ARL14EP: variants seen among roughly 807,000 people sequenced by gnomAD.
ARL14EP encodes the protein ARL14 effector protein.
In ARL14EP, 12 loss-of-function variants were observed where a neutral mutation model predicts 23.1. The ratio of observed to expected loss-of-function variants is 0.52; its 90% CI spans 0.33 to 0.84. ARL14EP has a LOEUF of 0.84. Among genes scored for constraint, ARL14EP ranks in the 40% least tolerant of loss-of-function variants. The probability of loss-of-function intolerance (pLI) is 0.02; values close to 1 mark genes in which losing one functional copy is unlikely to be tolerated. For missense variants in ARL14EP, 253 were observed against 307.3 expected, an observed-to-expected ratio of 0.82 and a Z score of 1.32; for synonymous variants, 97 against 102.0, an observed-to-expected ratio of 0.95 and a Z score of 0.29.
At chr11:30,336,420 A>C in intron 3 of ARL14EP, 147 bp from the exon 4 acceptor site, 1 of 716,116 alleles carries the variant, frequency 1.4e-6, no homozygotes, top group South Asian at 1.9e-5. Flanking sequence ...TGACGATAGA[A>C]TAAGCCTTGA....
intron 1 of ARL14EP, among the ~76,000 whole-genome samples, chr11:30,325,831 CG>C (rs1452249895): frequency 1.3e-5 from 2 of 152,152 alleles, no homozygotes; most frequent in African/African-American, 4.8e-5. Flanking sequence ...CACAGTCAGA[CG>C]GAAGTCCATT....
At chr11:30,326,707 C>T (rs1311614533) in intron 1 of ARL14EP, among the ~76,000 whole-genome samples, 1 of 152,130 alleles carries the variant, frequency 6.6e-6, no homozygotes, top group Non-Finnish European at 1.5e-5. Context: ...ATTTGGTGTT[C>T]CTTGAGCTAG....
chr11:30,327,328 A>G (rs1035240073), intron 1 of ARL14EP, among the ~76,000 whole-genome samples: 1 of 152,190 alleles, frequency 6.6e-6, no homozygotes, highest in African/African-American at 2.4e-5. Flanking sequence ...AGACTCCCCA[A>G]TAACTAAGGA....
intron 3 of ARL14EP, 85 bp from the exon 4 acceptor site, chr11:30,336,482 T>C: frequency 8.2e-7 from 1 of 1,224,442 alleles, no homozygotes; most frequent in Non-Finnish European, 1.1e-6. Context: ...AAATATTTTA[T>C]CTCCTTTTTT....
chr11:30,326,756 C>G (rs1203128805), intron 1 of ARL14EP, among the ~76,000 whole-genome samples: 2 of 152,106 alleles, frequency 1.3e-5, no homozygotes, highest in East Asian at 3.9e-4. Context: ...AACAAACTGC[C>G]TAATCGTAGA....
At chr11:30,329,083 GT>G (rs1352661821) in intron 1 of ARL14EP, 2 of 151,770 alleles carry the variant, frequency 1.3e-5, no homozygotes, top group Non-Finnish European at 2.9e-5. Flanking sequence ...GGAAAATAAT[GT>G]TTTTTCCCCT....
chr11:30,334,494 G>A (rs1947316433), intron 3 of ARL14EP, among the ~76,000 whole-genome samples: 1 of 152,122 alleles, frequency 6.6e-6, no homozygotes, highest in South Asian at 2.1e-4. Flanking sequence ...GATTACAGGT[G>A]TGAGCCACCA....
At chr11:30,334,299 G>A (rs1423017500) in intron 3 of ARL14EP, among the ~76,000 whole-genome samples, 1 of 132,868 alleles carries the variant, frequency 7.5e-6, no homozygotes, top group African/African-American at 2.9e-5. Flanking sequence ...CACTACACCC[G>A]CCACCTGCTG....
At chr11:30,334,981 C>G (rs776292250) in intron 3 of ARL14EP, among the ~76,000 whole-genome samples, 18 of 149,780 alleles carry the variant, frequency 1.2e-4, no homozygotes, top group Non-Finnish European at 2.1e-4. Flanking sequence ...TTAAGAAATA[C>G]GTTTTGTGAG....
Position 30,332,950 on chromosome 11 carries a change from G to C in ARL14EP, c.511G>C (p.Glu171Gln). ...ATTTGCTCCAGAAACTGGTAAAAGA[G>C]AAAAAAGAAGGCTTACAAAAAATGC... ...TEFAPETGKR[E>Q]KRRLTKNATA... The change falls in exon 3 of 4, where the codon GAA becomes CAA. Residue 171 changes from glutamate to glutamine, a missense_variant. Physicochemically the swap from Glu to Gln is conservative, Grantham distance 29. Coordinates refer to ENST00000282032, the MANE Select transcript of ARL14EP (RefSeq NM_152316.3). The C allele has an allele frequency of 1.2e-6, 2 of 1,613,524 alleles. No homozygotes were observed.
intron 1 of ARL14EP, among the ~76,000 whole-genome samples, chr11:30,323,677 G>A (rs1947213927): frequency 6.6e-6 from 1 of 152,176 alleles, no homozygotes; most frequent in African/African-American, 2.4e-5. Flanking sequence ...GGACGGATCT[G>A]GTGGTTTTAG....
intron 1 of ARL14EP, among the ~76,000 whole-genome samples, chr11:30,325,934 A>C (rs1416319471): frequency 6.6e-6 from 1 of 152,210 alleles, no homozygotes; most frequent in Non-Finnish European, 1.5e-5. Flanking sequence ...AATAGCTCCA[A>C]GATGCTGAAA....
chr11:30,326,115 A>G (rs1266646016), intron 1 of ARL14EP, among the ~76,000 whole-genome samples: 2 of 152,178 alleles, frequency 1.3e-5, no homozygotes, highest in Non-Finnish European at 2.9e-5. Context: ...GCAAATACAT[A>G]TCTGTGTTTT....
rs547178523 is a variant in ARL14EP, at chr11:30,335,975, A to C, written c.555-592A>C. ...AGAAATGCAGTTCTGTATAGTCAAC[A>C]TAATGAATGGGAGAACTAAATTGTT... On this transcript the variant is annotated intron_variant, in intron 3 of 3. Coordinates refer to ENST00000282032, the MANE Select transcript of ARL14EP (RefSeq NM_152316.3). Among the ~76,000 whole-genome samples the C allele has an allele frequency of 8.5e-5, 13 of 152,326 alleles. No homozygotes were observed. In the East Asian group the frequency reaches 1.9e-3, roughly 23 times the overall value.
At chr11:30,323,449 G>T (rs1047071117) in intron 1 of ARL14EP, among the ~76,000 whole-genome samples, 2 of 152,204 alleles carry the variant, frequency 1.3e-5, no homozygotes, top group African/African-American at 2.4e-5. Context: ...CCTCTCTGAG[G>T]GTCGTCGCCT....
intron 1 of ARL14EP, 182 bp from the exon 2 acceptor site, chr11:30,330,704 G>A (rs1336076726): frequency 6.8e-6 from 3 of 443,622 alleles, no homozygotes; most frequent in East Asian, 8.3e-5. Flanking sequence ...ATGTTTTCGT[G>A]AAGTTCTGAC....
intron 1 of ARL14EP, 193 bp from the exon 2 acceptor site, chr11:30,330,693 G>C (rs1356112123): frequency 2.4e-6 from 1 of 423,306 alleles, no homozygotes; most frequent in Non-Finnish European, 4.3e-6. Context: ...TGTAATTGCA[G>C]ATGTTTTCGT....
intron 3 of ARL14EP, among the ~76,000 whole-genome samples, chr11:30,334,205 C>CTTCTTTTTTTTTTTTTTT (rs1947311656): frequency 9.5e-6 from 1 of 105,126 alleles, no homozygotes; most frequent in African/African-American, 3.7e-5. Context: ...GTAGACCAGC[C>CTTCTTTTTTTTTTTTTTT]TTCTTTTTTT....
chr11:30,324,793 G>C (rs888667687), intron 1 of ARL14EP, among the ~76,000 whole-genome samples: 1 of 152,152 alleles, frequency 6.6e-6, no homozygotes, highest in Non-Finnish European at 1.5e-5. Flanking sequence ...AAATACTTTT[G>C]TTTACTGCCT....
Sources: allele counts gnomAD v4.1 joint callset (sites outside exome capture counted in the v4.1 genomes callset), GRCh38; gene constraint gnomAD v4.1.1; transcripts MANE v1.5; gene names NCBI Gene and HGNC (gene_info 2026-07-23, HGNC 2026-07-21).